The following CDS2 variants were observed in gnomAD, a reference collection of about 807,000 sequenced individuals.
CDS2 encodes phosphatidate cytidylyltransferase 2.
A neutral mutation model predicts 59.0 loss-of-function variants in CDS2; 47 were observed. The ratio of observed to expected loss-of-function variants is 0.80; its 90% CI spans 0.63 to 1.02. The LOEUF (loss-of-function observed/expected upper bound fraction) is 1.02, where lower values mean the gene tolerates loss of function less well. Among genes scored for constraint, CDS2 ranks in the 50% least tolerant of loss-of-function variants. CDS2 has a pLI of 0.00. For synonymous variants in CDS2, 207 were observed against 206.4 expected (o/e 1.00, Z -0.02); for missense variants, 356 against 558.9 (o/e 0.64, Z 3.66).
intron 1 of CDS2, among the ~76,000 whole-genome samples, chr20:5,146,667 A>G (rs2122982531): frequency 6.6e-6 from 1 of 152,326 alleles, no homozygotes; most frequent in South Asian, 2.1e-4. Context: ...AATAACTACC[A>G]CTTTGCGTTT....
intron 1 of CDS2, among the ~76,000 whole-genome samples, chr20:5,146,685 GTTTC>G (rs768117360): frequency 1.3e-5 from 2 of 152,092 alleles, no homozygotes; most frequent in East Asian, 1.9e-4. Context: ...TTTATAACCT[GTTTC>G]TTTAAACCAT....
intron 1 of CDS2, among the ~76,000 whole-genome samples, chr20:5,172,612 A>G (rs2090964179): frequency 6.6e-6 from 1 of 152,138 alleles, no homozygotes; most frequent in Non-Finnish European, 1.5e-5. Flanking sequence ...TTATTTGTAA[A>G]TGGGGCTTCT....
At position 5,197,852 on chromosome 20, in the gene CDS2, G is replaced by A. The variant is rs2091170530; in HGVS notation, c.*7618G>A. 1 of 152,256 alleles carries A rather than the reference G, an allele frequency of 6.6e-6. No individual in the cohort carries two copies. Among genetic ancestry groups the A allele is most frequent in the Non-Finnish European group, 1.5e-5 (1 of 68,038 alleles). The allele number at this position is 152,256 out of a possible 1,614,324, so 9.4% of individuals were successfully genotyped here. Reference sequence around the variant, plus strand: ...ATTTACCTTATTTATATACCTGAATGTTCCTACTACACAAATAAACATATA... The same window carrying A: ...ATTTACCTTATTTATATACCTGAATATTCCTACTACACAAATAAACATATA... On this transcript the variant is annotated 3_prime_UTR_variant, in exon 13 of 13. Transcript: ENST00000460006.
At chr20:5,147,648 C>T (rs1300118332) in intron 1 of CDS2, among the ~76,000 whole-genome samples, 1 of 152,118 alleles carries the variant, frequency 6.6e-6, no homozygotes, top group African/African-American at 2.4e-5. Flanking sequence ...AGGTGATCTA[C>T]CCTCCATAAC....
intron 9 of CDS2, 137 bp downstream of exon 9, chr20:5,185,963 G>T (rs755175305): frequency 1.1e-4 from 83 of 777,952 alleles, no homozygotes; most frequent in Admixed American, 1.9e-4. Flanking sequence ...CCCTGAAGAG[G>T]GCCACTGGCC....
chr20:5,179,989 T>C (rs1221618808), intron 5 of CDS2, among the ~76,000 whole-genome samples: 1 of 152,172 alleles, frequency 6.6e-6, no homozygotes, highest in Non-Finnish European at 1.5e-5. Context: ...ACTATTAAAA[T>C]ATAAAATCTG....
In CDS2 at chr20:5,178,944, C is replaced by G; in HGVS notation, c.517C>G (p.Leu173Val). The stretch of plus-strand genomic sequence containing the variant: ...ATACCACCGGTTCATTTCCTTTACT[C>G]TCTATCTAATAGGTATGCATTAAGC... Reference protein sequence around the residue: ...SKYHRFISFTLYLIGFCMFVL... With the variant: ...SKYHRFISFTVYLIGFCMFVL... Residue 173 changes from leucine (L) to valine (V), a missense_variant, in exon 5 of 13, where the codon CTC (leucine) becomes GTC (valine). By Grantham distance (32) the Leu-to-Val change is conservative. Around this residue, in one of 5 missense-constraint regions of CDS2, gnomAD observed 87 missense variants for 193.3 expected, o/e 0.45. Transcript: ENST00000460006. 6.2e-7 allele frequency: 1 copy of G among 1,614,044 alleles called. No individual in the cohort carries two copies. The highest frequency in any genetic ancestry group is 8.5e-7 in the Non-Finnish European group (1 of 1,179,902).
At chr20:5,166,175 G>T (rs2090912428) in intron 1 of CDS2, among the ~76,000 whole-genome samples, 1 of 152,126 alleles carries the variant, frequency 6.6e-6, no homozygotes, top group Non-Finnish European at 1.5e-5. Flanking sequence ...GATGATGTTG[G>T]CTTGAATTAA....
rs767191921 is a variant in CDS2, at chr20:5,183,126, A to G, written c.654A>G (p.Leu218=). 2.5e-5 allele frequency: 40 copies of G among 1,613,694 alleles called. No homozygotes were observed. The African/African-American group carries it at 4.0e-4, about 16-fold the overall frequency. ...AGTCACATCTTGTTATCCACAACCT[A>G]TTTGAAGGAATGATCTGGTGAGAAT... ...VTQSHLVIHN[L]FEGMIWFIVP... is the part of the protein sequence containing the mutation. Residue 218 remains leucine (L), a synonymous_variant, in exon 7 of 13, where the codon CTA becomes CTG. Transcript: ENST00000460006.
rs1346250843 is a variant in CDS2 at position 5,184,284 on chromosome 20, G to A, written c.672-574G>A. ...AAACCACCTCTTTCATAGTGAGGAT[G>A]ACTGGATCAGCAGGGGAGTGGGCAG... On this transcript the variant is annotated intron_variant, in intron 7 of 12. Coordinates refer to ENST00000460006, the MANE Select transcript of CDS2 (RefSeq NM_003818.4). This position sits in a 1 kb window ranked among gnomAD's most constrained non-coding sequence, Gnocchi z 4.3. 2.0e-5 allele frequency among the ~76,000 whole-genome samples: 3 copies of A among 152,216 alleles called. No individual in the cohort carries two copies. The highest frequency in any genetic ancestry group is 4.4e-5 in the Non-Finnish European group (3 of 68,042).
intron 1 of CDS2, among the ~76,000 whole-genome samples, chr20:5,170,250 G>GC (rs11483758): frequency 0.45 from 68,303 of 151,850 alleles, 15,665 homozygotes; most frequent in South Asian, 0.6. Context: ...ACCTCGCTGT[G>GC]CCCAGAGGAG....
intron 1 of CDS2, among the ~76,000 whole-genome samples, chr20:5,135,335 G>A (rs893822717): frequency 6.6e-6 from 1 of 152,108 alleles, no homozygotes; most frequent in Non-Finnish European, 1.5e-5. Context: ...TAGGATCCAC[G>A]TAGGTGGAGG....
chr20:5,189,967 C>A lies in CDS2; in HGVS notation c.1205+129C>A, dbSNP rs182389066. The A allele has an allele frequency of 2.2e-4, 309 of 1,375,924 alleles. 1 individual carries two copies. The African/African-American group carries it at 4.1e-3, about 18-fold the overall frequency. 85.2% of individuals were successfully genotyped at this position (1,375,924 alleles called of 1,614,324 possible). Reference sequence around the variant, plus strand: ...TGCAGTTTTCAGTTGTTTCTGCTTACAGATTTTCTGAGGCCTCCTGTCATC... The same window carrying A: ...TGCAGTTTTCAGTTGTTTCTGCTTAAAGATTTTCTGAGGCCTCCTGTCATC... On this transcript the variant is annotated intron_variant, in intron 12 of 12. Transcript: ENST00000460006.
intron 1 of CDS2, among the ~76,000 whole-genome samples, chr20:5,139,038 T>C (rs1219118482): frequency 6.6e-6 from 1 of 152,110 alleles, no homozygotes; most frequent in Non-Finnish European, 1.5e-5. Context: ...CAACATGGTA[T>C]TGGCATAAAA....
intron 1 of CDS2, chr20:5,128,586 G>C (rs913396928): frequency 2.0e-5 from 3 of 152,170 alleles, no homozygotes; most frequent in Admixed American, 6.6e-5. Flanking sequence ...TTGAGACCCT[G>C]TCTCAAAAAA....
intron 3 of CDS2, chr20:5,176,390 TAAAAA>T (rs940966373): frequency 1.3e-5 from 4 of 308,980 alleles, no homozygotes; most frequent in Non-Finnish European, 2.4e-5. Context: ...AACCCTGTCT[TAAAAA>T]AAAAAAAGTT....
At chr20:5,189,678 C>A in intron 11 of CDS2, 57 bp from the exon 12 acceptor site, 2 of 1,295,006 alleles carry the variant, frequency 1.5e-6, no homozygotes, top group Non-Finnish European at 2.2e-6. Context: ...GACCATTAGG[C>A]TGGGATTGGT....
In CDS2 at chr20:5,190,341, CT is replaced by C. The variant is rs11477708; in HGVS notation, c.*123del. 0.24 allele frequency: 163,172 copies of C among 669,424 alleles called. 1,304 individuals carry two copies. The highest frequency in any genetic ancestry group is 0.32 in the Middle Eastern group (679 of 2,100). 41.5% of individuals were successfully genotyped at this position (669,424 alleles called of 1,614,324 possible). Reference sequence around the variant, plus strand: ...CAATGACGAGGCTTCAACTCACTGTCTTTTTTTTTTTTTTTTGGAGGGTATT... The same window carrying C: ...CAATGACGAGGCTTCAACTCACTGTCTTTTTTTTTTTTTTTGGAGGGTATT... On this transcript the variant is annotated 3_prime_UTR_variant, in exon 13 of 13. Coordinates refer to ENST00000460006, the MANE Select transcript of CDS2 (RefSeq NM_003818.4).
At chr20:5,142,727 A>G (rs2090705333) in intron 1 of CDS2, among the ~76,000 whole-genome samples, 1 of 152,240 alleles carries the variant, frequency 6.6e-6, no homozygotes, top group Non-Finnish European at 1.5e-5. Context: ...GTGAAAAGGA[A>G]GGCCACAGGC....
Sources: gnomAD v4.1 joint callset for allele counts (sites outside exome capture counted in the v4.1 genomes callset) on GRCh38, gnomAD v4.1.1 for gene constraint, gnomAD v4.1.1 regional missense constraint, Gnocchi (gnomAD v3.1) non-coding constraint, MANE v1.5 for transcripts, NCBI Gene and HGNC (gene_info 2026-07-23, HGNC 2026-07-21) for gene names.